The following SNTG1 variants were observed in gnomAD, a reference collection of about 807,000 sequenced individuals.
SNTG1 encodes the protein syntrophin gamma 1.
SNTG1 carries 39 observed loss-of-function variants against 74.7 expected under a neutral mutation model. That is an observed-to-expected ratio of 0.52 (90% CI 0.40 to 0.68). SNTG1 has a LOEUF of 0.68. Among genes scored for constraint, SNTG1 ranks in the 30% least tolerant of loss-of-function variants. SNTG1 has a pLI of 0.00. For synonymous variants in SNTG1, 254 were observed against 217.1 expected (o/e 1.17, Z -1.49); for missense variants, 685 against 609.5 (o/e 1.12, Z -1.30).
intron 12 of SNTG1, among the ~76,000 whole-genome samples, chr8:50,574,231 A>T (rs2094564593): frequency 6.6e-6 from 1 of 152,108 alleles, no homozygotes; most frequent in Non-Finnish European, 1.5e-5. Flanking sequence ...ATTCCATTTC[A>T]AACAGAATAT....
chr8:50,098,534 G>A (rs531786760), intron 1 of SNTG1, among the ~76,000 whole-genome samples: 19 of 152,174 alleles, frequency 1.2e-4, no homozygotes, highest in South Asian at 8.3e-4. Context: ...CAAATAGTAG[G>A]CCATTTTAGA....
At chr8:50,004,223 T>C (rs947339512) in intron 1 of SNTG1, among the ~76,000 whole-genome samples, 1 of 152,150 alleles carries the variant, frequency 6.6e-6, no homozygotes, top group Non-Finnish European at 1.5e-5. Context: ...TAAAACTACT[T>C]AAATTCCATC....
intron 8 of SNTG1, among the ~76,000 whole-genome samples, chr8:50,487,201 A>G (rs1187504619): frequency 6.6e-6 from 1 of 152,174 alleles, no homozygotes; most frequent in Non-Finnish European, 1.5e-5. Flanking sequence ...GGTGCTGGAG[A>G]GGATGTGGAG....
chr8:50,165,033 A>AAAAT (rs1269425581), intron 1 of SNTG1, among the ~76,000 whole-genome samples: 4 of 152,174 alleles, frequency 2.6e-5, no homozygotes, highest in African/African-American at 9.7e-5. Flanking sequence ...CCCAGCAGGA[A>AAAAT]AAATAATCTT....
chr8:49,944,676 T>C (rs566585021), intron 1 of SNTG1, among the ~76,000 whole-genome samples: 1 of 151,180 alleles, frequency 6.6e-6, no homozygotes, highest in African/African-American at 2.4e-5. Flanking sequence ...CATGTATACA[T>C]GTGTAACTAA....
At chr8:50,046,459 C>T (rs954240671) in intron 1 of SNTG1, among the ~76,000 whole-genome samples, 2 of 152,128 alleles carry the variant, frequency 1.3e-5, no homozygotes, top group African/African-American at 4.8e-5. Flanking sequence ...AGAAAGATAA[C>T]ATATTATTTT....
chr8:50,513,593 A>C lies in SNTG1; in HGVS notation c.466+10713A>C, dbSNP rs189706716. ...TTTGAGCTTCCTGGGTGCTTTGTCT[A>C]CCTACTCAAGCCTTGGCAATGGCGG... On this transcript the variant is annotated intron_variant, in intron 9 of 18. Transcript: ENST00000642720. Among the ~76,000 whole-genome samples the C allele has an allele frequency of 1.5e-3, 235 of 152,244 alleles. 1 individual carries two copies. The highest frequency in any genetic ancestry group is 5.4e-3 in the African/African-American group (226 of 41,558).
At chr8:50,073,414 T>A (rs1238142208) in intron 1 of SNTG1, among the ~76,000 whole-genome samples, 1 of 152,192 alleles carries the variant, frequency 6.6e-6, no homozygotes, top group East Asian at 1.9e-4. Flanking sequence ...GTTATTTCCA[T>A]CACATTTACA....
chr8:49,989,475 A>C (rs2130285024), intron 1 of SNTG1, among the ~76,000 whole-genome samples: 1 of 151,996 alleles, frequency 6.6e-6, no homozygotes, highest in East Asian at 1.9e-4. Context: ...AACAAATTAA[A>C]GTCCAGGTTT....
At chr8:50,274,816 T>A (rs1448804116) in intron 2 of SNTG1, among the ~76,000 whole-genome samples, 1 of 152,220 alleles carries the variant, frequency 6.6e-6, no homozygotes, top group Non-Finnish European at 1.5e-5. Context: ...GATCATACGA[T>A]TTTATCTTTA....
At chr8:50,664,508 G>C (rs2095241125) in intron 15 of SNTG1, among the ~76,000 whole-genome samples, 1 of 151,950 alleles carries the variant, frequency 6.6e-6, no homozygotes, top group Non-Finnish European at 1.5e-5. Flanking sequence ...TATATTTTTG[G>C]GGGGCTGTGT....
chr8:50,440,592 T>C (rs1435473712), intron 5 of SNTG1, among the ~76,000 whole-genome samples: 1 of 152,218 alleles, frequency 6.6e-6, no homozygotes, highest in Non-Finnish European at 1.5e-5. Context: ...AATGTTGAAC[T>C]ATTTATTTAC....
At chr8:50,012,846 A>G (rs1275081014) in intron 1 of SNTG1, among the ~76,000 whole-genome samples, 1 of 152,160 alleles carries the variant, frequency 6.6e-6, no homozygotes, top group African/African-American at 2.4e-5. Context: ...CAGCAGCTGC[A>G]GCTGTCCCTA....
At chr8:50,047,884 G>A (rs1819233565) in intron 1 of SNTG1, among the ~76,000 whole-genome samples, 1 of 152,096 alleles carries the variant, frequency 6.6e-6, no homozygotes, top group African/African-American at 2.4e-5. Flanking sequence ...TGCAAATTTG[G>A]TGAATCCTGA....
intron 2 of SNTG1, among the ~76,000 whole-genome samples, chr8:50,242,186 TAAAG>T (rs1250689600): frequency 2.6e-5 from 4 of 151,962 alleles, no homozygotes; most frequent in African/African-American, 9.7e-5. Flanking sequence ...TGGTTTATCA[TAAAG>T]AAAATGTCTT....
rs113098707 is a variant in SNTG1 at position 49,925,444 on chromosome 8, ATCTG to A, written c.-103+13240_-103+13243del. 3.2e-3 allele frequency among the ~76,000 whole-genome samples: 485 copies of A among 151,726 alleles called. 4 individuals are homozygous for A. The East Asian group carries it at 0.034, about 11-fold the overall frequency. On this transcript the variant is annotated intron_variant, in intron 1 of 18. Coordinates refer to ENST00000642720, the MANE Select transcript of SNTG1 (RefSeq NM_018967.5). ...TGAACTAATTTGCCTGTGTGTGTGT[ATCTG>A]TCTGTCTGTCTGTCTGTCTGTCTGT...
At chr8:50,604,407 C>T (rs565177918) in intron 13 of SNTG1, among the ~76,000 whole-genome samples, 1 of 151,574 alleles carries the variant, frequency 6.6e-6, no homozygotes, top group South Asian at 2.1e-4. Context: ...CAGAGGAAGA[C>T]CCTCTTTCAA....
chr8:50,691,590 G>T (rs1196680601), intron 15 of SNTG1, among the ~76,000 whole-genome samples: 3 of 152,150 alleles, frequency 2.0e-5, no homozygotes, highest in Admixed American at 6.5e-5. Context: ...ACTCTCTTCT[G>T]GCTTGTAGAG....
At chr8:50,582,433 GATACTGATAAGTATCTCT>G (rs1282701341) in intron 12 of SNTG1, among the ~76,000 whole-genome samples, 30 of 152,188 alleles carry the variant, frequency 2.0e-4, no homozygotes, top group Non-Finnish European at 3.2e-4. Context: ...GCAGTTATTA[GATACTGATAAGTATCTCT>G]ATACTGATAA....
Sources: gnomAD v4.1 joint callset for allele counts (sites outside exome capture counted in the v4.1 genomes callset) on GRCh38, gnomAD v4.1.1 for gene constraint, MANE v1.5 for transcripts, NCBI Gene and HGNC (gene_info 2026-07-23, HGNC 2026-07-21) for gene names.